Variants in SPNS2 observed in about 807,000 individuals in gnomAD.
SPNS2 encodes the protein SPNS lysolipid transporter 2, sphingosine-1-phosphate, also known as sphingosine-1-phosphate transporter SPNS2.
Under a neutral mutation model 57.6 loss-of-function variants are expected in SPNS2, and 37 were observed. That is an observed-to-expected ratio of 0.64 (90% CI 0.49 to 0.85). The LOEUF (loss-of-function observed/expected upper bound fraction) is 0.85, where lower values mean the gene tolerates loss of function less well. Ranked by LOEUF, SPNS2 falls within the 40% of genes least tolerant of loss-of-function variation. SPNS2 has a pLI of 0.00. For synonymous variants in SPNS2, 440 were observed against 346.9 expected, an observed-to-expected ratio of 1.27 and a Z score of -2.98; for missense variants, 831 against 779.1, an observed-to-expected ratio of 1.07 and a Z score of -0.79.
chr17:4,508,619 C>T (rs1353976774), intron 1 of SPNS2, among the ~76,000 whole-genome samples: 5 of 152,230 alleles, frequency 3.3e-5, no homozygotes, highest in Admixed American at 1.3e-4. Flanking sequence ...AGGGCCAGAC[C>T]GTGGAGGCCT....
intron 5 of SPNS2, among the ~76,000 whole-genome samples, chr17:4,531,413 C>G (rs1905468034): frequency 6.6e-6 from 1 of 152,150 alleles, no homozygotes; most frequent in African/African-American, 2.4e-5. Flanking sequence ...GATTCTCCCA[C>G]CACGTCAGGA....
chr17:4,507,021 C>T (rs1904698004), intron 1 of SPNS2, among the ~76,000 whole-genome samples: 1 of 152,192 alleles, frequency 6.6e-6, no homozygotes, highest in South Asian at 2.1e-4. Flanking sequence ...AGTGAGTGTG[C>T]CTGAGTCCAG....
rs965521193 is a variant in SPNS2 at position 4,510,758 on chromosome 17, C to T, written c.371-2489C>T. 5.3e-5 allele frequency among the ~76,000 whole-genome samples: 8 copies of T among 152,162 alleles called. No individual in the cohort carries two copies. The highest frequency in any genetic ancestry group is 1.0e-4 in the Non-Finnish European group (7 of 68,032). On this transcript the variant is annotated intron_variant, in intron 1 of 12. Coordinates refer to ENST00000329078, the MANE Select transcript of SPNS2 (RefSeq NM_001124758.3). The surrounding 1 kb of genome is among the most constrained non-coding windows in gnomAD (Gnocchi z 4.4). ...GTCCTGGAGATGACCGGCCACGGCT[C>T]CTGCCTGGCTTGTGGTCTAGTGGAG...
chr17:4,515,958 C>T (rs192028203), intron 2 of SPNS2, among the ~76,000 whole-genome samples: 17 of 152,356 alleles, frequency 1.1e-4, no homozygotes, highest in Middle Eastern at 3.4e-3. Context: ...CTGGTTTGGA[C>T]CTGGCCCCTG....
intron 5 of SPNS2, among the ~76,000 whole-genome samples, chr17:4,532,202 G>A (rs1173957173): frequency 6.6e-6 from 1 of 151,840 alleles, no homozygotes; most frequent in East Asian, 1.9e-4. Context: ...ATCTATCTCT[G>A]TCCATCTCTC....
intron 3 of SPNS2, among the ~76,000 whole-genome samples, chr17:4,526,340 T>C (rs1344197903): frequency 6.6e-6 from 1 of 152,148 alleles, no homozygotes; most frequent in Non-Finnish European, 1.5e-5. Flanking sequence ...TGATGGTTCA[T>C]GCCTGTAATC....
chr17:4,503,147 C>T (rs1309969146), intron 1 of SPNS2, among the ~76,000 whole-genome samples: 1 of 152,234 alleles, frequency 6.6e-6, no homozygotes, highest in Non-Finnish European at 1.5e-5. Context: ...AAGACACTTA[C>T]CCAAGGTCAC....
At chr17:4,516,324 A>C (rs28639671) in intron 2 of SPNS2, among the ~76,000 whole-genome samples, 2 of 111,010 alleles carry the variant, frequency 1.8e-5, no homozygotes, top group African/African-American at 7.2e-5. Flanking sequence ...CCCAAAAAAA[A>C]AAAAAAAAAA....
chr17:4,536,227 G>C (rs766664432), intron 10 of SPNS2, 36 bp from the exon 11 acceptor site: 1 of 1,608,898 alleles, frequency 6.2e-7, no homozygotes. Context: ...ACTGCAGGAG[G>C]GCTCTGCCCT....
At chr17:4,536,518 G>A in intron 11 of SPNS2, 92 bp downstream of exon 11, 2 of 1,454,160 alleles carry the variant, frequency 1.4e-6, no homozygotes, top group Non-Finnish European at 1.9e-6. Context: ...GGGGCGGGGA[G>A]GGTACAGACC....
chr17:4,536,934 A>T lies in SPNS2; in HGVS notation c.1642A>T (p.Lys548Ter). Reference protein sequence around the residue: ...NQLAMPPASVKV With the variant: ...NQLAMPPASV ...GCTGGCGATGCCGCCCGCATCTGTG[A>T]AAGTCTGAGGTGGTGAGTGCAGGCC... The change falls in exon 12 of 13, where the codon AAA becomes TAA. Residue 548 changes from lysine (K) to a stop codon, truncating the protein, a stop_gained. Transcript: ENST00000329078. LOFTEE classifies it high-confidence loss of function. The T allele has an allele frequency of 6.2e-7, 1 of 1,613,672 alleles. No homozygotes were observed.
chr17:4,535,176 G>C lies in SPNS2; in HGVS notation c.1345-900G>C, dbSNP rs564399192. Among the ~76,000 whole-genome samples, 231 of 152,046 alleles carry C rather than the reference G, an allele frequency of 1.5e-3. 1 individual carries two copies. The highest frequency in any genetic ancestry group is 5.3e-3 in the African/African-American group (220 of 41,538). On this transcript the variant is annotated intron_variant, in intron 9 of 12. Transcript: ENST00000329078. ...CTGTGCCTGTCCCGCCCCCACCCCA[G>C]CCCCTCCTGTCTGACTCTGGCCTGC...
chr17:4,535,936 C>T (rs1434152008), intron 9 of SPNS2, 140 bp from the exon 10 acceptor site: 1 of 672,504 alleles, frequency 1.5e-6, no homozygotes, highest in Non-Finnish European at 2.5e-6. Flanking sequence ...GAGGGCAGGG[C>T]CCAGGGGAGA....
Position 4,499,356 on chromosome 17 carries a change from A to C in SPNS2, c.309A>C (p.Ala103=), listed in dbSNP as rs754805845. Residue 103 remains alanine, a synonymous_variant, in exon 1 of 13, where the codon GCA becomes GCC. Transcript: ENST00000329078. This position sits in a 1 kb window ranked among gnomAD's most constrained non-coding sequence, Gnocchi z 5.2. ...CCAGCTTGGGCCGCGGGCGGGGGGC[A>C]GCCGCCGCCATCCTCAGCTTGGGCA... ...KPASLGRGRG[A]AAAILSLGNV... 9 of 1,432,278 alleles carry C rather than the reference A, an allele frequency of 6.3e-6. No homozygotes were observed. The highest frequency in any genetic ancestry group is 3.6e-6 in the Non-Finnish European group (4 of 1,097,292). The allele number at this position is 1,432,278 out of a possible 1,614,324, so 88.7% of individuals were successfully genotyped here.
chr17:4,509,774 T>C (rs1411006746), intron 1 of SPNS2, among the ~76,000 whole-genome samples: 1 of 152,248 alleles, frequency 6.6e-6, no homozygotes, highest in Non-Finnish European at 1.5e-5. Context: ...ATGAGAACCC[T>C]GTGGCTAGGA....
chr17:4,508,870 C>T (rs140900746), intron 1 of SPNS2, among the ~76,000 whole-genome samples: 9 of 152,304 alleles, frequency 5.9e-5, no homozygotes, highest in Non-Finnish European at 1.2e-4. Context: ...AGCGTTAGCT[C>T]CTTGAGTCCA....
At chr17:4,531,764 G>T (rs754103932) in intron 5 of SPNS2, among the ~76,000 whole-genome samples, 3 of 152,012 alleles carry the variant, frequency 2.0e-5, no homozygotes, top group Non-Finnish European at 4.4e-5. Context: ...CCGGGGGCAT[G>T]GGGGAGAGTG....
At position 4,537,855 on chromosome 17, in the gene SPNS2, G is replaced by T. The variant is rs564218491; in HGVS notation, c.*407G>T. 37 of 453,752 alleles carry T rather than the reference G, an allele frequency of 8.2e-5. 1 individual carries two copies. The highest frequency in any genetic ancestry group is 5.6e-4 in the South Asian group (36 of 64,450). The allele number at this position is 453,752 out of a possible 1,614,324, so 28.1% of individuals were successfully genotyped here. ...CCACACAACTTGCTGGGCAAAGCAC[G>T]ATCTGCAGCTTTGAAGACTCAACAG... On this transcript the variant is annotated 3_prime_UTR_variant, in exon 13 of 13. Transcript: ENST00000329078.
chr17:4,513,759 C>T (rs1343864520), intron 2 of SPNS2, among the ~76,000 whole-genome samples: 7 of 152,230 alleles, frequency 4.6e-5, no homozygotes, highest in African/African-American at 9.6e-5. Flanking sequence ...CCCTGGGAAT[C>T]GCCTCTTAGG....
Sources: allele counts gnomAD v4.1 joint callset (sites outside exome capture counted in the v4.1 genomes callset), GRCh38; gene constraint gnomAD v4.1.1; non-coding constraint Gnocchi (gnomAD v3.1); transcripts MANE v1.5; gene names NCBI Gene and HGNC (gene_info 2026-07-23, HGNC 2026-07-21).